The following ASIC2 variants were observed in gnomAD, a reference collection of about 807,000 sequenced individuals.
ASIC2 encodes acid-sensing ion channel 2.
ASIC2 carries 25 observed loss-of-function variants against 57.3 expected under a neutral mutation model. The ratio of observed to expected loss-of-function variants is 0.44; its 90% confidence interval spans 0.32 to 0.61. The LOEUF is 0.61. ASIC2 is among the 20% of genes least tolerant of loss of function. The probability of loss-of-function intolerance (pLI) is 0.06; values close to 1 mark genes in which losing one functional copy is unlikely to be tolerated. For missense variants in ASIC2, 641 were observed against 738.1 expected (o/e 0.87, Z 1.52); for synonymous variants, 319 against 307.5 (o/e 1.04, Z -0.39).
intron 1 of ASIC2, among the ~76,000 whole-genome samples, chr17:34,099,077 G>A (rs1910650150): frequency 7.2e-6 from 1 of 138,414 alleles, no homozygotes; most frequent in African/African-American, 2.7e-5. Flanking sequence ...GCTCTAGAAA[G>A]AGCAGCAGCT....
At chr17:34,065,822 A>G (rs1909152669) in intron 1 of ASIC2, among the ~76,000 whole-genome samples, 1 of 152,210 alleles carries the variant, frequency 6.6e-6, no homozygotes, top group Non-Finnish European at 1.5e-5. Flanking sequence ...AATTATAAAA[A>G]GAATTGCTTG....
intron 1 of ASIC2, among the ~76,000 whole-genome samples, chr17:33,164,897 A>G (rs1905263566): frequency 6.6e-6 from 1 of 152,004 alleles, no homozygotes; most frequent in African/African-American, 2.4e-5. Flanking sequence ...AACCTCCAAC[A>G]TGACAATCTG....
At position 33,047,340 on chromosome 17, in the gene ASIC2, C is replaced by T. The variant is rs117336163; in HGVS notation, c.988-18948G>A. On this transcript the variant is annotated intron_variant, in intron 3 of 9. Transcript: ENST00000225823. The stretch of plus-strand genomic sequence containing the variant: ...GAGCTACTTTACAGATCCCTCCCCC[C>T]ACTTTTTGTTTTTTTTTAGAGACAG... 2.7e-3 allele frequency among the ~76,000 whole-genome samples: 409 copies of T among 152,122 alleles called. 3 individuals carry two copies. The highest frequency in any genetic ancestry group is 0.014 in the South Asian group (66 of 4,808).
chr17:34,087,420 G>C (rs940697565), intron 1 of ASIC2, among the ~76,000 whole-genome samples: 8 of 152,152 alleles, frequency 5.3e-5, no homozygotes, highest in Non-Finnish European at 1.2e-4. Context: ...CTGTTAGTCT[G>C]ATGGGCTTCC....
intron 1 of ASIC2, among the ~76,000 whole-genome samples, chr17:33,977,620 G>A (rs1905442371): frequency 6.6e-6 from 1 of 152,112 alleles, no homozygotes; most frequent in Admixed American, 6.5e-5. Context: ...TTTTTCTGTA[G>A]GATTTTCCTT....
At chr17:33,970,742 C>T (rs540029032) in intron 1 of ASIC2, among the ~76,000 whole-genome samples, 29 of 152,290 alleles carry the variant, frequency 1.9e-4, no homozygotes, top group African/African-American at 5.3e-4. Flanking sequence ...GGTGAGCACA[C>T]GCAGAGCCAG....
intron 1 of ASIC2, among the ~76,000 whole-genome samples, chr17:33,142,281 C>A (rs1388704922): frequency 2.0e-5 from 3 of 152,184 alleles, no homozygotes; most frequent in African/African-American, 7.2e-5. Context: ...AGACACCCAG[C>A]TCATTAACTG....
chr17:33,938,541 TA>T (rs771744797), intron 1 of ASIC2, among the ~76,000 whole-genome samples: 2 of 152,238 alleles, frequency 1.3e-5, no homozygotes, highest in Non-Finnish European at 2.9e-5. Context: ...ACTTCCCTTG[TA>T]TCATCTCCAG....
intron 1 of ASIC2, among the ~76,000 whole-genome samples, chr17:33,262,048 G>C (rs1186482163): frequency 1.3e-5 from 2 of 152,210 alleles, no homozygotes; most frequent in Non-Finnish European, 2.9e-5. Flanking sequence ...GCACGACCGG[G>C]TTGTCAGGCT....
At chr17:33,548,082 A>T (rs1360009455) in intron 1 of ASIC2, among the ~76,000 whole-genome samples, 1 of 152,216 alleles carries the variant, frequency 6.6e-6, no homozygotes, top group Non-Finnish European at 1.5e-5. Flanking sequence ...ATTATATATT[A>T]AAAAGTTTAG....
At chr17:33,773,742 A>C (rs1370820254) in intron 1 of ASIC2, among the ~76,000 whole-genome samples, 1 of 150,694 alleles carries the variant, frequency 6.6e-6, no homozygotes, top group Non-Finnish European at 1.5e-5. Flanking sequence ...GCAGCCTCCA[A>C]CTCCTGGGCT....
chr17:33,421,505 T>G (rs1597722721), intron 1 of ASIC2, among the ~76,000 whole-genome samples: 1 of 152,184 alleles, frequency 6.6e-6, no homozygotes, highest in Admixed American at 6.5e-5. Flanking sequence ...TTTGTGGCTG[T>G]GAATCTGGTT....
rs374965617 is a variant in ASIC2 at position 33,242,107 on chromosome 17, G to A, written c.708+49301C>T. 4.8e-4 allele frequency among the ~76,000 whole-genome samples: 73 copies of A among 151,966 alleles called. No homozygotes were observed. In the East Asian group the frequency reaches 0.012, roughly 25 times the overall value. ...GCCGAGGCAGGCAGATCACGAGGTCGGGAGATCGAGACCATCCTGGCTAAC... is the reference window on the plus strand; with the variant it reads ...GCCGAGGCAGGCAGATCACGAGGTCAGGAGATCGAGACCATCCTGGCTAAC... On this transcript the variant is annotated intron_variant, in intron 1 of 9. Coordinates refer to ENST00000225823, the MANE Select transcript of ASIC2 (RefSeq NM_183377.2).
intron 1 of ASIC2, among the ~76,000 whole-genome samples, chr17:34,015,119 G>A (rs1333485735): frequency 6.9e-6 from 1 of 143,924 alleles, no homozygotes; most frequent in Non-Finnish European, 1.5e-5. Flanking sequence ...ACATTGCCCA[G>A]GCTGGTCTCA....
chr17:33,590,236 C>T (rs1904781406), intron 1 of ASIC2, among the ~76,000 whole-genome samples: 1 of 152,206 alleles, frequency 6.6e-6, no homozygotes. Flanking sequence ...CTGCCTACCT[C>T]ACTGAGTTGT....
At chr17:33,113,119 G>T (rs945073902) in intron 1 of ASIC2, among the ~76,000 whole-genome samples, 2 of 152,130 alleles carry the variant, frequency 1.3e-5, no homozygotes, top group Non-Finnish European at 2.9e-5. Flanking sequence ...TTACAAAGAG[G>T]CCCCGTGATG....
intron 1 of ASIC2, among the ~76,000 whole-genome samples, chr17:33,635,869 C>T (rs894882714): frequency 6.6e-6 from 1 of 152,198 alleles, no homozygotes; most frequent in African/African-American, 2.4e-5. Flanking sequence ...TATGCTAAGG[C>T]ACACACAAGG....
intron 1 of ASIC2, among the ~76,000 whole-genome samples, chr17:33,465,496 C>A (rs1769930937): frequency 6.6e-6 from 1 of 151,898 alleles, no homozygotes; most frequent in South Asian, 2.1e-4. Flanking sequence ...GCCTCAGCCT[C>A]CCTAGTAGCT....
intron 1 of ASIC2, among the ~76,000 whole-genome samples, chr17:33,696,532 A>G (rs1037082782): frequency 6.6e-6 from 1 of 152,242 alleles, no homozygotes; most frequent in Non-Finnish European, 1.5e-5. Context: ...AAGTAGAGTT[A>G]TAGAACACAT....
Sources: allele counts gnomAD v4.1 joint callset (sites outside exome capture counted in the v4.1 genomes callset), GRCh38; gene constraint gnomAD v4.1.1; transcripts MANE v1.5; gene names NCBI Gene and HGNC (gene_info 2026-07-23, HGNC 2026-07-21).